Variants in FTO observed in about 807,000 individuals in gnomAD.
FTO encodes the protein alpha-ketoglutarate-dependent dioxygenase FTO.
FTO carries 47 observed loss-of-function variants against 63.9 expected under a neutral mutation model. That is an observed-to-expected ratio of 0.74 (90% confidence interval 0.58 to 0.94). The LOEUF (loss-of-function observed/expected upper bound fraction) is 0.94. Ranked by LOEUF, FTO falls within the 40% of genes least tolerant of loss-of-function variation. The pLI, the probability that FTO is intolerant of heterozygous loss-of-function variation, is 0.00. For missense variants in FTO, 562 were observed against 618.1 expected, an observed-to-expected ratio of 0.91 and a Z score of 0.96; for synonymous variants, 207 against 224.4, an observed-to-expected ratio of 0.92 and a Z score of 0.69.
chr16:53,791,725 T>C (rs892891299), intron 1 of FTO, among the ~76,000 whole-genome samples: 3 of 152,192 alleles, frequency 2.0e-5, no homozygotes, highest in African/African-American at 7.2e-5. Context: ...ATTAAATACA[T>C]GCTGATGAAG....
At chr16:53,935,013 C>CAGAG (rs2082357154) in intron 8 of FTO, among the ~76,000 whole-genome samples, 1 of 152,138 alleles carries the variant, frequency 6.6e-6, no homozygotes, top group Admixed American at 6.5e-5. Context: ...CTGATGCTTG[C>CAGAG]ATAGTAAATA....
chr16:53,762,613 T>C (rs1169032251), intron 1 of FTO, among the ~76,000 whole-genome samples: 1 of 152,148 alleles, frequency 6.6e-6, no homozygotes, highest in African/African-American at 2.4e-5. Context: ...TTTATCCTTT[T>C]GGGTTGAACC....
At chr16:53,911,262 A>T (rs888371981) in intron 7 of FTO, 2 of 639,612 alleles carry the variant, frequency 3.1e-6, no homozygotes. Context: ...TGTAGTTTCA[A>T]GAGTAAAGGA....
At chr16:53,770,776 T>C (rs1306881981) in intron 1 of FTO, among the ~76,000 whole-genome samples, 2 of 152,164 alleles carry the variant, frequency 1.3e-5, no homozygotes. Context: ...AAAAGTGCCC[T>C]ATTTTTTCAG....
At chr16:54,098,916 G>A (rs756836154) in intron 8 of FTO, among the ~76,000 whole-genome samples, 6 of 152,164 alleles carry the variant, frequency 3.9e-5, no homozygotes, top group Non-Finnish European at 5.9e-5. Context: ...GTTGTAGTGC[G>A]TTTAAAAATC....
intron 2 of FTO, 87 bp from the exon 3 acceptor site, chr16:53,825,777 C>T (rs758657609): frequency 1.0e-5 from 16 of 1,525,976 alleles, no homozygotes; most frequent in Non-Finnish European, 1.4e-5. Flanking sequence ...CCACAACTCC[C>T]CAAATGCTTA....
chr16:53,958,515 G>A (rs1392352744), intron 8 of FTO, among the ~76,000 whole-genome samples: 5 of 152,134 alleles, frequency 3.3e-5, no homozygotes, highest in Admixed American at 2.6e-4. Flanking sequence ...TCCCACCCCC[G>A]GTGTATAAAA....
intron 8 of FTO, among the ~76,000 whole-genome samples, chr16:54,079,156 GAT>G (rs1480088744): frequency 2.6e-5 from 4 of 152,192 alleles, no homozygotes; most frequent in African/African-American, 9.6e-5. Context: ...ATAAAAGACA[GAT>G]AGGTAAAAAA....
chr16:54,031,966 G>A (rs149967044), intron 8 of FTO, among the ~76,000 whole-genome samples: 169 of 152,298 alleles, frequency 1.1e-3, no homozygotes, highest in African/African-American at 3.6e-3. Context: ...GGTTTAGTGT[G>A]TTAAGCTATC....
intron 8 of FTO, among the ~76,000 whole-genome samples, chr16:54,094,632 T>C (rs1239006028): frequency 6.6e-6 from 1 of 152,242 alleles, no homozygotes; most frequent in African/African-American, 2.4e-5. Flanking sequence ...CAGGGAGGCT[T>C]TGGCGTGATT....
chr16:54,004,887 A>G (rs2084159953), intron 8 of FTO, among the ~76,000 whole-genome samples: 1 of 151,924 alleles, frequency 6.6e-6, no homozygotes, highest in Non-Finnish European at 1.5e-5. Flanking sequence ...TGGCTAGTAC[A>G]GTGAAACCCC....
At chr16:53,949,659 T>C (rs1288847664) in intron 8 of FTO, among the ~76,000 whole-genome samples, 1 of 149,774 alleles carries the variant, frequency 6.7e-6, no homozygotes, top group East Asian at 2.0e-4. Flanking sequence ...TCGGTATCAA[T>C]GTTTATAATC....
chr16:53,879,011 C>T (rs1185267175), intron 5 of FTO, among the ~76,000 whole-genome samples: 1 of 152,130 alleles, frequency 6.6e-6, no homozygotes, highest in Non-Finnish European at 1.5e-5. Flanking sequence ...TGCATTTTTC[C>T]CCGCTGTCAT....
chr16:53,867,320 A>G (rs2080346928), intron 4 of FTO, among the ~76,000 whole-genome samples: 1 of 121,496 alleles, frequency 8.2e-6, no homozygotes, highest in African/African-American at 5.0e-5. Flanking sequence ...ATTTGTCAGA[A>G]GAAGAATGAT....
chr16:54,037,368 C>A (rs996432821), intron 8 of FTO, among the ~76,000 whole-genome samples: 1 of 152,142 alleles, frequency 6.6e-6, no homozygotes, highest in Non-Finnish European at 1.5e-5. Context: ...CTTTGTATTC[C>A]TCAGAAGAAA....
intron 3 of FTO, among the ~76,000 whole-genome samples, chr16:53,840,489 C>T (rs6499651): frequency 0.56 from 85,636 of 152,098 alleles, 26,666 homozygotes; most frequent in East Asian, 0.89. Flanking sequence ...TCAAGACTTT[C>T]GAACAGGTGT....
At chr16:53,978,574 G>T (rs559375325) in intron 8 of FTO, among the ~76,000 whole-genome samples, 2 of 152,240 alleles carry the variant, frequency 1.3e-5, no homozygotes, top group African/African-American at 4.8e-5. Context: ...GTGGTTTTGA[G>T]ATTGTAAATA....
chr16:54,103,931 G>A (rs2086692056), intron 8 of FTO, among the ~76,000 whole-genome samples: 1 of 152,182 alleles, frequency 6.6e-6, no homozygotes, highest in South Asian at 2.1e-4. Context: ...CTTCCATGAG[G>A]TTAGATTTTA....
chr16:54,095,721 T>C (rs1266647633), intron 8 of FTO, among the ~76,000 whole-genome samples: 1 of 152,186 alleles, frequency 6.6e-6, no homozygotes, highest in Admixed American at 6.5e-5. Context: ...GGGGATATTA[T>C]AGCCCTCTGT....
Sources: allele counts gnomAD v4.1 joint callset (sites outside exome capture counted in the v4.1 genomes callset), GRCh38; gene constraint gnomAD v4.1.1; transcripts MANE v1.5; gene names NCBI Gene and HGNC (gene_info 2026-07-23, HGNC 2026-07-21).